Variants in NCKAP5 observed in about 807,000 individuals in gnomAD.
NCKAP5 encodes the protein NCK associated protein 5.
Under a neutral mutation model 167.0 loss-of-function variants are expected in NCKAP5, and 92 were observed. The ratio of observed to expected loss-of-function variants is 0.55; its 90% CI spans 0.47 to 0.66. NCKAP5 has a LOEUF of 0.66. NCKAP5 is among the 30% of genes least tolerant of loss of function. NCKAP5 has a pLI of 0.00. For missense variants in NCKAP5, 2,378 were observed against 2,315.0 expected (o/e 1.03, Z -0.56); for synonymous variants, 891 against 877.4 (o/e 1.02, Z -0.27).
At chr2:133,039,938 A>G (rs1380565849) in intron 6 of NCKAP5, among the ~76,000 whole-genome samples, 1 of 152,210 alleles carries the variant, frequency 6.6e-6, no homozygotes, top group Non-Finnish European at 1.5e-5. Context: ...GATCATATAC[A>G]TGAGCTCAAA....
chr2:133,659,882 AATGCATATTATAT>A, the NCKAP5 span, among the ~76,000 whole-genome samples: 34 of 152,342 alleles, frequency 2.2e-4, no homozygotes, highest in Middle Eastern at 0.01. Flanking sequence ...TATGTTTTAA[AATGCATATTATAT>A]ATGCATATTA....
intron 3 of NCKAP5, among the ~76,000 whole-genome samples, chr2:133,468,331 T>G (rs1025302601): frequency 1.4e-5 from 2 of 146,396 alleles, no homozygotes; most frequent in East Asian, 2.1e-4. Flanking sequence ...TTGAGTGAGA[T>G]TCTTAATCCT....
At chr2:133,331,662 G>A (rs1221122159) in intron 3 of NCKAP5, among the ~76,000 whole-genome samples, 1 of 152,200 alleles carries the variant, frequency 6.6e-6, no homozygotes, top group Non-Finnish European at 1.5e-5. Context: ...CCCAGGACCG[G>A]TTTTAAGTGG....
the NCKAP5 span, among the ~76,000 whole-genome samples, chr2:133,673,302 G>T: frequency 1.3e-5 from 2 of 152,196 alleles, no homozygotes; most frequent in African/African-American, 4.8e-5. Flanking sequence ...CACCTCTGAT[G>T]CTGTTATGTC....
intron 2 of NCKAP5, among the ~76,000 whole-genome samples, chr2:133,542,622 G>A (rs1048761912): frequency 6.6e-6 from 1 of 152,164 alleles, no homozygotes; most frequent in African/African-American, 2.4e-5. Context: ...AACCAGCAGT[G>A]GCTCCAGTGT....
At chr2:133,030,367 C>T (rs893411) in intron 6 of NCKAP5, among the ~76,000 whole-genome samples, 52 of 152,160 alleles carry the variant, frequency 3.4e-4, no homozygotes, top group Admixed American at 2.9e-3. Context: ...GCAGCCCAGC[C>T]GCCGTGTTTG....
chr2:132,854,495 G>T (rs1036047293), intron 11 of NCKAP5, among the ~76,000 whole-genome samples: 1 of 152,218 alleles, frequency 6.6e-6, no homozygotes, highest in African/African-American at 2.4e-5. Context: ...GTGAGGAAGA[G>T]AATTTCTCAT....
chr2:133,149,246 ATT>A (rs1008695467), intron 5 of NCKAP5, among the ~76,000 whole-genome samples: 9 of 152,128 alleles, frequency 5.9e-5, no homozygotes, highest in African/African-American at 2.2e-4. Context: ...TATTTATGTC[ATT>A]TGTCATCCAT....
At chr2:133,040,295 T>C (rs1246857796) in intron 6 of NCKAP5, among the ~76,000 whole-genome samples, 1 of 152,172 alleles carries the variant, frequency 6.6e-6, no homozygotes, top group East Asian at 1.9e-4. Context: ...AAAGTAATCA[T>C]GGTTTTTGCT....
At chr2:133,239,464 C>A (rs2087578086) in intron 4 of NCKAP5, among the ~76,000 whole-genome samples, 1 of 152,146 alleles carries the variant, frequency 6.6e-6, no homozygotes, top group African/African-American at 2.4e-5. Flanking sequence ...ATCAAGGAAA[C>A]TCTATTGGTA....
At chr2:133,303,771 G>GA (rs899655106) in intron 3 of NCKAP5, among the ~76,000 whole-genome samples, 34 of 151,604 alleles carry the variant, frequency 2.2e-4, no homozygotes, top group African/African-American at 7.7e-4. Flanking sequence ...AAATGTATCT[G>GA]AAAAAAAATT....
chr2:133,459,606 A>T (rs1052575768), intron 3 of NCKAP5, among the ~76,000 whole-genome samples: 2 of 152,182 alleles, frequency 1.3e-5, no homozygotes, highest in Non-Finnish European at 1.5e-5. Flanking sequence ...TTAAATGAAA[A>T]TGCCTAAAAT....
At chr2:133,316,216 T>C (rs991355602) in intron 3 of NCKAP5, among the ~76,000 whole-genome samples, 1 of 152,178 alleles carries the variant, frequency 6.6e-6, no homozygotes, top group African/African-American at 2.4e-5. Flanking sequence ...ACCAACACAC[T>C]GAACCTTTCC....
chr2:132,784,034 G>A lies in NCKAP5; in HGVS notation c.2777C>T (p.Ser926Phe). The A allele has an allele frequency of 6.5e-7, 1 of 1,548,390 alleles. No individual in the cohort carries two copies. ...CGSGPEAGVK[S>F]PSPPPPPGRS... ...GCCTGGAGGGGGCGGAGGGGAAGGGGATTTCACCCCTGCCTCCGGCCCAGA... is the reference window on the plus strand; with the variant it reads ...GCCTGGAGGGGGCGGAGGGGAAGGGAATTTCACCCCTGCCTCCGGCCCAGA... The change falls in exon 14 of 20, where the codon TCC (serine) becomes TTC (phenylalanine). Residue 926 changes from serine (S) to phenylalanine (F), a missense_variant. Ser to Phe is a radical substitution (Grantham distance 155). Coordinates refer to ENST00000409261, the MANE Select transcript of NCKAP5 (RefSeq NM_207363.3).
At chr2:133,101,086 G>A (rs2081499770) in intron 6 of NCKAP5, among the ~76,000 whole-genome samples, 2 of 151,210 alleles carry the variant, frequency 1.3e-5, no homozygotes, top group Admixed American at 1.3e-4. Context: ...TGTATAAGGT[G>A]TAAGGAAGGG....
chr2:133,393,554 G>T (rs1399987021), intron 3 of NCKAP5, among the ~76,000 whole-genome samples: 1 of 152,148 alleles, frequency 6.6e-6, no homozygotes, highest in Non-Finnish European at 1.5e-5. Context: ...GGGAACTATT[G>T]CTGTTTATAA....
At chr2:132,776,993 GATGTAGAA>G (rs1682608512) in intron 15 of NCKAP5, among the ~76,000 whole-genome samples, 1 of 152,166 alleles carries the variant, frequency 6.6e-6, no homozygotes, top group Admixed American at 6.5e-5. Flanking sequence ...GTTCAGAAAA[GATGTAGAA>G]ATGTAGAAAT....
chr2:133,518,219 T>C (rs542086462), intron 2 of NCKAP5, among the ~76,000 whole-genome samples: 1 of 152,206 alleles, frequency 6.6e-6, no homozygotes, highest in South Asian at 2.1e-4. Flanking sequence ...TCCACTGAGA[T>C]TGCTTTTTCT....
chr2:133,175,934 C>G (rs1432592847), intron 5 of NCKAP5, among the ~76,000 whole-genome samples: 1 of 152,206 alleles, frequency 6.6e-6, no homozygotes, highest in Non-Finnish European at 1.5e-5. Flanking sequence ...TTAGCACCAT[C>G]TGAGTCTGTT....
Sources: gnomAD v4.1 joint callset for allele counts (sites outside exome capture counted in the v4.1 genomes callset) on GRCh38, gnomAD v4.1.1 for gene constraint, MANE v1.5 for transcripts, NCBI Gene and HGNC (gene_info 2026-07-23, HGNC 2026-07-21) for gene names.